MED28: variants seen among roughly 807,000 people sequenced by gnomAD.
MED28 encodes mediator complex subunit 28, also known as mediator of RNA polymerase II transcription subunit 28.
In MED28, 26 loss-of-function variants were observed where a neutral mutation model predicts 21.3. That is an observed-to-expected ratio of 1.22 (90% CI 0.89 to 1.69). MED28 has a LOEUF of 1.69. Among genes scored for constraint, MED28 ranks in the 40% most tolerant of loss-of-function variants. The probability of loss-of-function intolerance (pLI) is 0.00; values close to 1 mark genes in which losing one functional copy is unlikely to be tolerated. For synonymous variants in MED28, 110 were observed against 87.6 expected (o/e 1.26, Z -1.43); for missense variants, 257 against 215.4 (o/e 1.19, Z -1.21).
In MED28 at chr4:17,625,896, C is replaced by T. The variant is rs1714761421; in HGVS notation, c.*2098C>T. The T allele has an allele frequency of 5.3e-6, 1 of 190,202 alleles. No individual in the cohort carries two copies. The highest frequency in any genetic ancestry group is 2.4e-5 in the African/African-American group (1 of 42,344). 11.8% of individuals were successfully genotyped at this position (190,202 alleles called of 1,614,324 possible). A position where few individuals can be genotyped will look rare whatever the true frequency, so the allele number is the denominator to read the frequency against. ...TGACCTTAGGTCTGCCCACAGGCTT[C>T]AGGCTTTCAACTTTGAAACAAACAT... is the stretch of plus-strand genomic sequence containing the variant. On this transcript the variant is annotated 3_prime_UTR_variant, in exon 4 of 4. Transcript: ENST00000237380.
chr4:17,633,974 A>C lies in MED28; in HGVS notation c.*10176A>C. ...TGTAAAAGCAAATAATGCTCACCCA[A>C]TCAAAATTGTATCGGAGAAGAAGCA... is the stretch of plus-strand genomic sequence containing the variant. On this transcript the variant is annotated 3_prime_UTR_variant, in exon 4 of 4. Transcript: ENST00000237380. 4.6e-6 allele frequency: 5 copies of C among 1,085,258 alleles called. No individual in the cohort carries two copies. The highest frequency in any genetic ancestry group is 6.1e-6 in the Non-Finnish European group (5 of 815,680). The allele number at this position is 1,085,258 out of a possible 1,614,324, so 67.2% of individuals were successfully genotyped here. A position where few individuals can be genotyped will look rare whatever the true frequency, so the allele number is the denominator to read the frequency against.
intron 1 of MED28, among the ~76,000 whole-genome samples, chr4:17,615,999 C>G (rs147632454): frequency 6.6e-6 from 1 of 152,116 alleles, no homozygotes; most frequent in Non-Finnish European, 1.5e-5. Context: ...CTCACTCTCT[C>G]GCCCAGGCTG....
intron 1 of MED28, among the ~76,000 whole-genome samples, chr4:17,619,056 A>G (rs1295629051): frequency 6.6e-6 from 1 of 152,170 alleles, no homozygotes; most frequent in Non-Finnish European, 1.5e-5. Flanking sequence ...CCTGTGTTTG[A>G]GGCTTCTTTT....
Position 17,631,619 on chromosome 4 carries a change from T to A in MED28, c.*7821T>A, listed in dbSNP as rs1248278084. ...CTTAATTCCAATTCATGTTAATTTA[T>A]GTTATCTTGCTTAATCCTTGCAAAG... On this transcript the variant is annotated 3_prime_UTR_variant, in exon 4 of 4. Transcript: ENST00000237380. 1 of 152,144 alleles carries A rather than the reference T, an allele frequency of 6.6e-6. No homozygotes were observed. The highest frequency in any genetic ancestry group is 2.4e-5 in the African/African-American group (1 of 41,372). 9.4% of individuals were successfully genotyped at this position (152,144 alleles called of 1,614,324 possible). A position where few individuals can be genotyped will look rare whatever the true frequency, so the allele number is the denominator to read the frequency against.
chr4:17,622,512 A>T (rs1714666030), intron 3 of MED28, among the ~76,000 whole-genome samples: 1 of 152,228 alleles, frequency 6.6e-6, no homozygotes, highest in Admixed American at 6.5e-5. Context: ...CTGTTCTTAA[A>T]AAGCTCTTGA....
At position 17,633,902 on chromosome 4, in the gene MED28, T is replaced by G. The variant is rs1479264608; in HGVS notation, c.*10104T>G. 1.3e-6 allele frequency: 2 copies of G among 1,532,018 alleles called. No homozygotes were observed. Among genetic ancestry groups the G allele is most frequent in the Non-Finnish European group, 1.8e-6 (2 of 1,138,542 alleles). 94.9% of individuals were successfully genotyped at this position (1,532,018 alleles called of 1,614,324 possible). A position where few individuals can be genotyped will look rare whatever the true frequency, so the allele number is the denominator to read the frequency against. On this transcript the variant is annotated 3_prime_UTR_variant, in exon 4 of 4. Transcript: ENST00000237380. The stretch of plus-strand genomic sequence containing the variant: ...CACCTTCTTTTTCTGTTTGTATTAA[T>G]GGACAGGTTAGTGCAATGCAATGCA...
In MED28 at chr4:17,625,240, C is replaced by T; in HGVS notation, c.*1442C>T. On this transcript the variant is annotated 3_prime_UTR_variant, in exon 4 of 4. Transcript: ENST00000237380. ...ACACCCATGAGAATTAGACATTATT[C>T]TCCTTAAATATATAAGGACCATATA... The T allele has an allele frequency of 6.5e-6, 1 of 153,880 alleles. No individual in the cohort carries two copies. Among genetic ancestry groups the T allele is most frequent in the East Asian group, 1.9e-4 (1 of 5,238 alleles). 9.5% of individuals were successfully genotyped at this position (153,880 alleles called of 1,614,324 possible).
At position 17,624,344 on chromosome 4, in the gene MED28, A is replaced by G. The variant is rs1314644836; in HGVS notation, c.*546A>G. 1.3e-5 allele frequency: 2 copies of G among 158,092 alleles called. No individual in the cohort carries two copies. The highest frequency in any genetic ancestry group is 2.8e-5 in the Non-Finnish European group (2 of 71,194). The allele number at this position is 158,092 out of a possible 1,614,324, so 9.8% of individuals were successfully genotyped here. On this transcript the variant is annotated 3_prime_UTR_variant, in exon 4 of 4. Coordinates refer to ENST00000237380, the MANE Select transcript of MED28 (RefSeq NM_025205.5). ...GCTCTCAGAATGAGGATTTTTTTGT[A>G]AATAGGTCAGAAGACGATGGAACTG... is the stretch of plus-strand genomic sequence containing the variant.
intron 1 of MED28, among the ~76,000 whole-genome samples, chr4:17,619,380 C>A (rs938693746): frequency 6.6e-6 from 1 of 152,194 alleles, no homozygotes; most frequent in African/African-American, 2.4e-5. Context: ...AGACAAAATT[C>A]TCATCTACTA....
At position 17,614,704 on chromosome 4, in the gene MED28, C is replaced by T. The variant is rs142728763; in HGVS notation, c.50C>T (p.Pro17Leu). 68 of 1,614,092 alleles carry T rather than the reference C, an allele frequency of 4.2e-5. No individual in the cohort carries two copies. Among genetic ancestry groups the T allele is most frequent in the African/African-American group, 4.0e-4 (30 of 74,956 alleles). ...TTTTCTGGGCAGCCACCCGGTCCCC[C>T]TCAGGCCCCGCCGGGCCTTCCGGGC... ...GMFSGQPPGP[P>L]QAPPGLPGQA... The change falls in exon 1 of 4, where the codon CCT becomes CTT. Residue 17 changes from proline to leucine, a missense_variant. Physicochemically the swap from Pro to Leu is moderately conservative, Grantham distance 98. Transcript: ENST00000237380.
Position 17,628,270 on chromosome 4 carries a change from GTGTGTGTGTGTGTGTGTGTGTA to G in MED28, c.*4478_*4499del, listed in dbSNP as rs1436192352. 1 of 151,100 alleles carries G rather than the reference GTGTGTGTGTGTGTGTGTGTGTA, an allele frequency of 6.6e-6. No homozygotes were observed. 9.4% of individuals were successfully genotyped at this position (151,100 alleles called of 1,614,324 possible). A position where few individuals can be genotyped will look rare whatever the true frequency, so the allele number is the denominator to read the frequency against. Reference sequence around the variant, plus strand: ...TGACAGCTGCCGTGTGTGTGTGTGTGTGTGTGTGTGTGTGTGTGTGTATGTGTATATGCGTATATATGTGTAT... The same window carrying G: ...TGACAGCTGCCGTGTGTGTGTGTGTGTGTGTATATGCGTATATATGTGTAT... On this transcript the variant is annotated 3_prime_UTR_variant, in exon 4 of 4. Coordinates refer to ENST00000237380, the MANE Select transcript of MED28 (RefSeq NM_025205.5).
In MED28 at chr4:17,614,711, C is replaced by A. The variant is rs751643469; in HGVS notation, c.57C>A (p.Ala19=). ...GGCAGCCACCCGGTCCCCCTCAGGC[C>A]CCGCCGGGCCTTCCGGGCCAAGCTT... is the stretch of plus-strand genomic sequence containing the variant. ...FSGQPPGPPQ[A]PPGLPGQASL... is the part of the protein sequence containing the mutation. The change falls in exon 1 of 4, where the codon GCC becomes GCA. Residue 19 remains alanine, a synonymous_variant. Transcript: ENST00000237380. The A allele has an allele frequency of 5.6e-5, 90 of 1,614,098 alleles. No individual in the cohort carries two copies. Among genetic ancestry groups the A allele is most frequent in the Non-Finnish European group, 7.2e-5 (85 of 1,180,058 alleles).
rs1202547054 is a variant in MED28, at chr4:17,626,807, G to A, written c.*3009G>A. 2.0e-5 allele frequency: 3 copies of A among 152,306 alleles called. No individual in the cohort carries two copies. In the East Asian group the frequency reaches 5.8e-4, roughly 29 times the overall value. The allele number at this position is 152,306 out of a possible 1,614,324, so 9.4% of individuals were successfully genotyped here. The stretch of plus-strand genomic sequence containing the variant: ...AGGTAGCCTGTGTGTTCTACAAACA[G>A]CAGCTGGCAGCACTGTCTCCTGCCG... On this transcript the variant is annotated 3_prime_UTR_variant, in exon 4 of 4. Transcript: ENST00000237380.
rs762129180 is a variant in MED28 at position 17,633,068 on chromosome 4, G to A, written c.*9270G>A. The A allele has an allele frequency of 2.9e-4, 45 of 156,716 alleles. No homozygotes were observed. The highest frequency in any genetic ancestry group is 5.7e-4 in the South Asian group (3 of 5,218). 9.7% of individuals were successfully genotyped at this position (156,716 alleles called of 1,614,324 possible). Reference sequence around the variant, plus strand: ...CTCCCGGGGAGCTGGAATTACAGGCGCATACCACCACACCTGGCTAATTTT... The same window carrying A: ...CTCCCGGGGAGCTGGAATTACAGGCACATACCACCACACCTGGCTAATTTT... On this transcript the variant is annotated 3_prime_UTR_variant, in exon 4 of 4. Transcript: ENST00000237380.
Position 17,630,749 on chromosome 4 carries a change from T to C in MED28, c.*6951T>C, listed in dbSNP as rs1488782164. The C allele has an allele frequency of 3.3e-5, 5 of 151,362 alleles. No homozygotes were observed. Among genetic ancestry groups the C allele is most frequent in the African/African-American group, 1.2e-4 (5 of 41,372 alleles). The allele number at this position is 151,362 out of a possible 1,614,324, so 9.4% of individuals were successfully genotyped here. A position where few individuals can be genotyped will look rare whatever the true frequency, so the allele number is the denominator to read the frequency against. On this transcript the variant is annotated 3_prime_UTR_variant, in exon 4 of 4. Coordinates refer to ENST00000237380, the MANE Select transcript of MED28 (RefSeq NM_025205.5). The stretch of plus-strand genomic sequence containing the variant: ...GATTAGGCAGTAAATTTACCTTTAA[T>C]ACGTAAGTTTGACAGTTATATGTAA...
At chr4:17,622,221 T>A (rs1345744781) in intron 3 of MED28, among the ~76,000 whole-genome samples, 1 of 152,186 alleles carries the variant, frequency 6.6e-6, no homozygotes, top group Non-Finnish European at 1.5e-5. Flanking sequence ...TTGAATGGGT[T>A]GGGCCAGGAC....
At chr4:17,618,249 T>C (rs569822589) in intron 1 of MED28, among the ~76,000 whole-genome samples, 1 of 152,208 alleles carries the variant, frequency 6.6e-6, no homozygotes, top group East Asian at 1.9e-4. Flanking sequence ...ACTGAAGTGA[T>C]CCACCCATCT....
rs1209606387 is a variant in MED28 at position 17,625,411 on chromosome 4, C to T, written c.*1613C>T. ...TGTGGTATGACCTCAAGGTTGCTAA[C>T]CTGGTCACTCATGGTAATTAGAAAC... On this transcript the variant is annotated 3_prime_UTR_variant, in exon 4 of 4. Coordinates refer to ENST00000237380, the MANE Select transcript of MED28 (RefSeq NM_025205.5). 3.9e-6 allele frequency: 1 copy of T among 259,158 alleles called. No individual in the cohort carries two copies. The highest frequency in any genetic ancestry group is 7.6e-6 in the Non-Finnish European group (1 of 131,492). 16.1% of individuals were successfully genotyped at this position (259,158 alleles called of 1,614,324 possible). A position where few individuals can be genotyped will look rare whatever the true frequency, so the allele number is the denominator to read the frequency against.
chr4:17,627,308 T>G lies in MED28; in HGVS notation c.*3510T>G, dbSNP rs1577235163. 1 of 152,454 alleles carries G rather than the reference T, an allele frequency of 6.6e-6. No individual in the cohort carries two copies. The highest frequency in any genetic ancestry group is 2.1e-4 in the South Asian group (1 of 4,820). The allele number at this position is 152,454 out of a possible 1,614,324, so 9.4% of individuals were successfully genotyped here. On this transcript the variant is annotated 3_prime_UTR_variant, in exon 4 of 4. Coordinates refer to ENST00000237380, the MANE Select transcript of MED28 (RefSeq NM_025205.5). The stretch of plus-strand genomic sequence containing the variant: ...TTTTGCCATGTTGGCCAGGCTGGTC[T>G]TGAACTCCTGACCTCAAGTGATCTG...
Sources: gnomAD v4.1 joint callset for allele counts (sites outside exome capture counted in the v4.1 genomes callset) on GRCh38, gnomAD v4.1.1 for gene constraint, MANE v1.5 for transcripts, NCBI Gene and HGNC (gene_info 2026-07-23, HGNC 2026-07-21) for gene names.